ALKBH8: variants seen among roughly 807,000 people sequenced by gnomAD.
ALKBH8 encodes the protein alkB homolog 8, tRNA methyltransferase, also known as tRNA (carboxymethyluridine(34)-5-O)-methyltransferase ALKBH8.
A neutral mutation model predicts 59.8 loss-of-function variants in ALKBH8; 36 were observed. The ratio of observed to expected loss-of-function variants is 0.60; its 90% confidence interval spans 0.46 to 0.79. The LOEUF is 0.79. ALKBH8 is among the 30% of genes least tolerant of loss of function. The pLI, the probability that ALKBH8 is intolerant of heterozygous loss-of-function variation, is 0.00. For synonymous variants in ALKBH8, 276 were observed against 273.6 expected, an observed-to-expected ratio of 1.01 and a Z score of -0.09; for missense variants, 768 against 801.0, an observed-to-expected ratio of 0.96 and a Z score of 0.50.
chr11:107,516,520 G>C (rs1862869111), intron 10 of ALKBH8, among the ~76,000 whole-genome samples: 1 of 152,076 alleles, frequency 6.6e-6, no homozygotes, highest in African/African-American at 2.4e-5. Context: ...AAACATACAA[G>C]AAAAGCTCCA....
rs1310378500 is a variant in ALKBH8, at chr11:107,553,215, G to C, written c.500-12C>G. The stretch of plus-strand genomic sequence containing the variant: ...TAAGGATTTTTGAGCTGTGTGAAGA[G>C]AACAAAGTAAACAATTAAGAAGGAA... On this transcript the variant is annotated splice_polypyrimidine_tract_variant and intron_variant, in intron 4 of 11. Transcript: ENST00000428149. 2.0e-6 allele frequency: 3 copies of C among 1,526,840 alleles called. No individual in the cohort carries two copies. The East Asian group carries it at 6.9e-5, about 35-fold the overall frequency. 94.6% of individuals were successfully genotyped at this position (1,526,840 alleles called of 1,614,324 possible).
chr11:107,508,659 C>T (rs1038873556), intron 11 of ALKBH8, among the ~76,000 whole-genome samples: 1 of 152,112 alleles, frequency 6.6e-6, no homozygotes, highest in Non-Finnish European at 1.5e-5. Flanking sequence ...TAAATCATAG[C>T]AACTCCCATG....
intron 7 of ALKBH8, among the ~76,000 whole-genome samples, chr11:107,533,802 T>G (rs1452934284): frequency 6.6e-6 from 1 of 152,154 alleles, no homozygotes; most frequent in East Asian, 1.9e-4. Context: ...TATAAGTATT[T>G]ACTGTACAAT....
chr11:107,565,351 C>A, intron 1 of ALKBH8: 1 of 580,586 alleles, frequency 1.7e-6, no homozygotes, highest in South Asian at 2.1e-5. Context: ...CCAAAGAAAA[C>A]AGAAGATTGA....
Position 107,504,774 on chromosome 11 carries a change from A to C in ALKBH8, c.1879T>G (p.Tyr627Asp). 1 of 1,552,086 alleles carries C rather than the reference A, an allele frequency of 6.4e-7. No homozygotes were observed. Among genetic ancestry groups the C allele is most frequent in the South Asian group, 1.2e-5 (1 of 84,060 alleles). ...AGTTCTCCCTCACGGAACACATGGT[A>C]GTAACGATGAAACACAGGACTTGGG... ...QDPSPVFHRY[Y>D]HVFREGELEG... Residue 627 changes from tyrosine to aspartate, a missense_variant, in exon 12 of 12, where the codon TAC becomes GAC. Physicochemically the swap from Tyr to Asp is radical, Grantham distance 160. Coordinates refer to ENST00000428149, the MANE Select transcript of ALKBH8 (RefSeq NM_138775.3).
At chr11:107,534,860 C>T (rs1260773370) in intron 7 of ALKBH8, among the ~76,000 whole-genome samples, 2 of 151,838 alleles carry the variant, frequency 1.3e-5, no homozygotes, top group South Asian at 2.1e-4. Flanking sequence ...ACCCATCACC[C>T]GAGCAGTGTA....
intron 10 of ALKBH8, 113 bp downstream of exon 10, chr11:107,522,186 G>A (rs1288153872): frequency 8.0e-6 from 10 of 1,244,084 alleles, no homozygotes; most frequent in Non-Finnish European, 1.1e-5. Context: ...TCAATCTGTT[G>A]GTTATAACTT....
chr11:107,513,272 A>G (rs1260664932), intron 10 of ALKBH8, among the ~76,000 whole-genome samples: 1 of 152,196 alleles, frequency 6.6e-6, no homozygotes, highest in Non-Finnish European at 1.5e-5. Flanking sequence ...AAAGACATAC[A>G]CGTGGCCAAC....
Position 107,549,782 on chromosome 11 carries a change from C to A in ALKBH8, c.742G>T (p.Glu248Ter). The A allele has an allele frequency of 6.5e-7, 1 of 1,550,246 alleles. No homozygotes were observed. The highest frequency in any genetic ancestry group is 8.7e-7 in the Non-Finnish European group (1 of 1,145,842). ...HIDTHSAFED[E>*]IVSLSLGSEI... ...GACCCCAAACTGAGAGAAACGATCTCATCCTCAAAAGCGGAATGTGTATCA... is the reference window on the plus strand; with the variant it reads ...GACCCCAAACTGAGAGAAACGATCTAATCCTCAAAAGCGGAATGTGTATCA... Residue 248 changes from glutamate to a stop codon, truncating the protein, a stop_gained, in exon 7 of 12, where the codon GAG (glutamate) becomes TAG (stop). Transcript: ENST00000428149. LOFTEE classifies it high-confidence loss of function.
rs764290092 is a variant in ALKBH8, at chr11:107,565,662, C to T, written c.-68G>A. 4.6e-6 allele frequency: 7 copies of T among 1,535,750 alleles called. No homozygotes were observed. The South Asian group carries it at 8.3e-5, about 18-fold the overall frequency. ...GTGCCTTCTTCTTTGCCAGCCTCTC[C>T]ACTCTAGCACCAGAACACCGCAGCG... On this transcript the variant is annotated 5_prime_UTR_variant, in exon 1 of 12. Coordinates refer to ENST00000428149, the MANE Select transcript of ALKBH8 (RefSeq NM_138775.3).
chr11:107,528,495 G>A (rs1187757643), intron 8 of ALKBH8, among the ~76,000 whole-genome samples: 2 of 152,164 alleles, frequency 1.3e-5, no homozygotes, highest in Non-Finnish European at 2.9e-5. Flanking sequence ...TGTTCTAAGA[G>A]CTATACATGA....
chr11:107,524,151 T>C (rs1863251473), intron 9 of ALKBH8, among the ~76,000 whole-genome samples: 1 of 152,090 alleles, frequency 6.6e-6, no homozygotes, highest in African/African-American at 2.4e-5. Flanking sequence ...CTCAAACTCC[T>C]AGGCTCACAC....
chr11:107,565,440 C>T (rs1436763139), intron 1 of ALKBH8, 161 bp downstream of exon 1: 3 of 926,706 alleles, frequency 3.2e-6, no homozygotes, highest in Non-Finnish European at 4.8e-6. Context: ...AACGCAGACA[C>T]CCTACTGCCC....
At chr11:107,519,105 G>A (rs542865703) in intron 10 of ALKBH8, among the ~76,000 whole-genome samples, 2 of 150,784 alleles carry the variant, frequency 1.3e-5, no homozygotes, top group African/African-American at 4.9e-5. Context: ...TATATTTTTT[G>A]TTTTGTTTTC....
chr11:107,526,599 T>C (rs1863367591), intron 8 of ALKBH8, among the ~76,000 whole-genome samples: 2 of 152,026 alleles, frequency 1.3e-5, no homozygotes. Flanking sequence ...GTCTAATTTA[T>C]TATTTCTTAA....
chr11:107,563,404 G>C (rs1014630824), intron 1 of ALKBH8: 1 of 152,114 alleles, frequency 6.6e-6, no homozygotes, highest in African/African-American at 2.4e-5. Flanking sequence ...CTCAACCACT[G>C]ATTATTAGCT....
rs781527665 is a variant in ALKBH8 at position 107,532,365 on chromosome 11, T to C, written c.813A>G (p.Pro271=). 5.0e-6 allele frequency: 8 copies of C among 1,613,774 alleles called. No homozygotes were observed. Among genetic ancestry groups the C allele is most frequent in the Non-Finnish European group, 6.8e-6 (8 of 1,179,736 alleles). ...DFKHPDGIAV[P]VMLPRRSLLV... ...GCAAACTCCGACGAGGCAACATAAC[T>C]GGCACTGCAATGCCATCTGGGTGCT... The change falls in exon 8 of 12, where the codon CCA becomes CCG. Residue 271 remains proline, a synonymous_variant. Transcript: ENST00000428149.
intron 10 of ALKBH8, among the ~76,000 whole-genome samples, chr11:107,516,173 T>C (rs1192848777): frequency 6.6e-6 from 1 of 152,210 alleles, no homozygotes; most frequent in East Asian, 1.9e-4. Context: ...TGCTCAAAGT[T>C]GAAAGTCGTT....
chr11:107,560,673 T>C, intron 2 of ALKBH8, 92 bp downstream of exon 2: 1 of 1,256,714 alleles, frequency 8.0e-7, no homozygotes. Flanking sequence ...ACTGAACAAT[T>C]ACAGCCTTAG....
Sources: allele counts gnomAD v4.1 joint callset (sites outside exome capture counted in the v4.1 genomes callset), GRCh38; gene constraint gnomAD v4.1.1; transcripts MANE v1.5; gene names NCBI Gene and HGNC (gene_info 2026-07-23, HGNC 2026-07-21).